The following BLOC1S3 variants were observed in gnomAD, a reference collection of about 807,000 sequenced individuals.
BLOC1S3 encodes biogenesis of lysosomal organelles complex 1 subunit 3.
In BLOC1S3, 7 loss-of-function variants were observed where a neutral mutation model predicts 9.1. The ratio of observed to expected loss-of-function variants is 0.77; its 90% confidence interval spans 0.44 to 1.45. The LOEUF (loss-of-function observed/expected upper bound fraction) is 1.45. Among genes scored for constraint, BLOC1S3 ranks in the 40% most tolerant of loss-of-function variants. The pLI is 0.01. For missense variants in BLOC1S3, 307 were observed against 315.2 expected (o/e 0.97, Z 0.20); for synonymous variants, 145 against 158.4 (o/e 0.92, Z 0.64).
At chr19:45,205,093 A>G (rs1165707973) in intron 3 of BLOC1S3, among the ~76,000 whole-genome samples, 3 of 152,130 alleles carry the variant, frequency 2.0e-5, no homozygotes, top group Non-Finnish European at 4.4e-5. Context: ...AATTATGTAA[A>G]CATCCAATTA....
At chr19:45,216,694 A>G (rs948395735) in exon 4 of BLOC1S3, 6 of 152,968 alleles carry the variant, frequency 3.9e-5, no homozygotes, top group African/African-American at 1.4e-4. Flanking sequence ...GTAATTTGGA[A>G]CTCTGGGAAA....
chr19:45,202,747 C>T (rs1969700561), intron 3 of BLOC1S3, among the ~76,000 whole-genome samples: 1 of 152,110 alleles, frequency 6.6e-6, no homozygotes, highest in South Asian at 2.1e-4. Flanking sequence ...GCTGGGAATG[C>T]GCTGGGTCAC....
At chr19:45,199,838 T>C (rs1320789658) in intron 2 of BLOC1S3, among the ~76,000 whole-genome samples, 3 of 151,824 alleles carry the variant, frequency 2.0e-5, no homozygotes, top group Non-Finnish European at 4.4e-5. Flanking sequence ...CAATCTTGGC[T>C]CACTACAACC....
At position 45,190,899 on chromosome 19, in the gene BLOC1S3, A is replaced by G. The variant is rs536976860; in HGVS notation, n.180+3159A>G. Among the ~76,000 whole-genome samples, 13 of 140,776 alleles carry G rather than the reference A, an allele frequency of 9.2e-5. No homozygotes were observed. The East Asian group carries it at 2.8e-3, about 30-fold the overall frequency. 92.4% of individuals were successfully genotyped at this position (140,776 alleles called of 152,430 possible). On this transcript the variant is annotated intron_variant and non_coding_transcript_variant, in intron 2 of 3. Coordinates refer to the BLOC1S3 transcript ENST00000591569. The stretch of plus-strand genomic sequence containing the variant: ...CGGCTCACTGCAAGCTCTGCCTCCC[A>G]GGTTCACGCCATTCTCCTGCCTCAG...
intron 3 of BLOC1S3, among the ~76,000 whole-genome samples, chr19:45,207,720 G>C (rs879273196): frequency 1.3e-5 from 2 of 151,998 alleles, no homozygotes; most frequent in African/African-American, 2.4e-5. Context: ...CTGGGAGACA[G>C]AGCGAGACTC....
At chr19:45,208,771 A>AT in intron 3 of BLOC1S3, among the ~76,000 whole-genome samples, 1 of 151,970 alleles carries the variant, frequency 6.6e-6, no homozygotes, top group Non-Finnish European at 1.5e-5. Flanking sequence ...AAAAAAAAAA[A>AT]GCCCACAAGT....
At chr19:45,214,719 C>T (rs1344706711) in intron 3 of BLOC1S3, among the ~76,000 whole-genome samples, 3 of 151,954 alleles carry the variant, frequency 2.0e-5, no homozygotes, top group Non-Finnish European at 4.4e-5. Context: ...CCTACCTCGG[C>T]CTCCCAAAGT....
intron 3 of BLOC1S3, chr19:45,216,241 C>T: frequency 1.3e-6 from 2 of 1,598,754 alleles, no homozygotes; most frequent in Non-Finnish European, 8.5e-7. Context: ...AAGATTGACC[C>T]TGCCAATTCC....
intron 3 of BLOC1S3, among the ~76,000 whole-genome samples, chr19:45,210,908 T>C (rs1211028371): frequency 1.3e-5 from 2 of 152,042 alleles, no homozygotes; most frequent in African/African-American, 2.4e-5. Context: ...GAGGATGGCT[T>C]GAGGCCAACC....
At chr19:45,192,921 G>A (rs11672871) in intron 2 of BLOC1S3, among the ~76,000 whole-genome samples, 67,204 of 151,482 alleles carry the variant, frequency 0.44, 14,983 homozygotes, top group Admixed American at 0.47. Context: ...ATCACCTGAG[G>A]TCAGGAGTTC....
chr19:45,192,422 C>T (rs1398431818), intron 2 of BLOC1S3, among the ~76,000 whole-genome samples: 1 of 152,106 alleles, frequency 6.6e-6, no homozygotes, highest in Non-Finnish European at 1.5e-5. Context: ...TCCACTGTGG[C>T]CGAGCTGGTA....
rs1969508388 is a variant in BLOC1S3, at chr19:45,180,695, C to G, written c.*790C>G. On this transcript the variant is annotated 3_prime_UTR_variant, in exon 2 of 2. Coordinates refer to ENST00000433642, the MANE Select transcript of BLOC1S3 (RefSeq NM_212550.5). ...GTTGGCTACGCCTCCCATCCTAGCT[C>G]CACTTCCAGAACTGCCTTCACCCTA... 1 of 167,176 alleles carries G rather than the reference C, an allele frequency of 6.0e-6. No homozygotes were observed. Among genetic ancestry groups the G allele is most frequent in the African/African-American group, 2.4e-5 (1 of 41,416 alleles). The allele number at this position is 167,176 out of a possible 1,614,324, so 10.4% of individuals were successfully genotyped here.
At chr19:45,185,474 A>G (rs1044548174), downstream of BLOC1S3, among the ~76,000 whole-genome samples, 12 of 152,308 alleles carry the variant, frequency 7.9e-5, no homozygotes, top group South Asian at 2.1e-4. Flanking sequence ...TCAGATGTGC[A>G]GGATGAGAGG....
At position 45,180,235 on chromosome 19, in the gene BLOC1S3, A is replaced by AATTT. The variant is rs1555752038; in HGVS notation, c.*330_*331insATTT. The AATTT allele has an allele frequency of 7.8e-5, 7 of 90,224 alleles. No individual in the cohort carries two copies. Among genetic ancestry groups the AATTT allele is most frequent in the African/African-American group, 3.4e-4 (6 of 17,848 alleles). 5.6% of individuals were successfully genotyped at this position (90,224 alleles called of 1,614,324 possible). On this transcript the variant is annotated 3_prime_UTR_variant, in exon 2 of 2. Transcript: ENST00000433642. ...CTGTTTCCACCCTGGGGGCTCACCA[A>AATTT]TTTTTTTTTTTTTTTTTTTTTTTTG...
chr19:45,215,724 T>A (rs997398992), intron 3 of BLOC1S3, among the ~76,000 whole-genome samples: 3 of 152,154 alleles, frequency 2.0e-5, no homozygotes, highest in Non-Finnish European at 2.9e-5. Context: ...CGCCTGCCGC[T>A]GTCCCAGTGC....
chr19:45,202,890 C>G (rs1003744490), intron 3 of BLOC1S3, among the ~76,000 whole-genome samples: 1 of 152,044 alleles, frequency 6.6e-6, no homozygotes, highest in African/African-American at 2.4e-5. Context: ...CTGGGTCCTT[C>G]CTTTCAAGGC....
downstream of BLOC1S3, among the ~76,000 whole-genome samples, chr19:45,183,961 C>G (rs759017624): frequency 6.6e-6 from 1 of 152,052 alleles, no homozygotes; most frequent in Non-Finnish European, 1.5e-5. Flanking sequence ...ATGAGTTTAG[C>G]GAGAGTCCCT....
chr19:45,184,903 C>CAAAACAAAAAAAA (rs1969554675), downstream of BLOC1S3, among the ~76,000 whole-genome samples: 1 of 48,278 alleles, frequency 2.1e-5, no homozygotes, highest in Non-Finnish European at 4.0e-5. Context: ...CTGTCTCAAA[C>CAAAACAAAAAAAA]AAAAAAAAAA....
In BLOC1S3 at chr19:45,202,084, C is replaced by T. The variant is rs536311912; in HGVS notation, n.181-322C>T. Among the ~76,000 whole-genome samples the T allele has an allele frequency of 4.0e-5, 6 of 151,660 alleles. No individual in the cohort carries two copies. The East Asian group carries it at 7.8e-4, about 20-fold the overall frequency. Reference sequence around the variant, plus strand: ...TAAAAACTACAAAAAATTAGCTGGGCGCCTGTAATCCCAGCTACTCTGGAG... The same window carrying T: ...TAAAAACTACAAAAAATTAGCTGGGTGCCTGTAATCCCAGCTACTCTGGAG... On this transcript the variant is annotated intron_variant and non_coding_transcript_variant, in intron 2 of 3. Transcript: ENST00000591569.
Sources: gnomAD v4.1 joint callset for allele counts (sites outside exome capture counted in the v4.1 genomes callset) on GRCh38, gnomAD v4.1.1 for gene constraint, MANE v1.5 for transcripts, NCBI Gene and HGNC (gene_info 2026-07-23, HGNC 2026-07-21) for gene names.